CDC16: variants seen among roughly 807,000 people sequenced by gnomAD.
The protein encoded by CDC16 is cell division cycle 16.
A neutral mutation model predicts 87.0 loss-of-function variants in CDC16; 34 were observed. The observed-to-expected ratio is 0.39, with a 90% CI of 0.30 to 0.52. The LOEUF (loss-of-function observed/expected upper bound fraction) is 0.52. CDC16 is among the 20% of genes least tolerant of loss of function. The pLI is 0.74. For synonymous variants in CDC16, 263 were observed against 260.6 expected (o/e 1.01, Z -0.09); for missense variants, 653 against 751.9 (o/e 0.87, Z 1.54).
intron 11 of CDC16, 127 bp from the exon 12 acceptor site, chr13:114,250,422 G>A (rs1425465195): frequency 1.3e-6 from 1 of 751,820 alleles, no homozygotes; most frequent in Non-Finnish European, 2.0e-6. Flanking sequence ...GTATCTGGAG[G>A]CGGAGGCTGC....
At chr13:114,259,147 A>C (rs181419334) in intron 13 of CDC16, among the ~76,000 whole-genome samples, 188 bp from the exon 14 acceptor site, 2 of 151,972 alleles carry the variant, frequency 1.3e-5, no homozygotes, top group African/African-American at 4.8e-5. Flanking sequence ...CAAAATCTTG[A>C]AATCTTGAAC....
intron 11 of CDC16, among the ~76,000 whole-genome samples, chr13:114,249,184 C>T (rs533206399): frequency 4.0e-5 from 6 of 151,572 alleles, no homozygotes; most frequent in African/African-American, 1.2e-4. Flanking sequence ...ATTAGATTCT[C>T]GTAAGGAGTG....
chr13:114,239,145 G>A (rs1418678293), intron 4 of CDC16, 117 bp downstream of exon 4: 2 of 1,475,050 alleles, frequency 1.4e-6, no homozygotes, highest in Non-Finnish European at 1.8e-6. Context: ...AGTATTTCAT[G>A]AGGAAGTGTT....
chr13:114,269,326 G>A (rs1016849334), intron 17 of CDC16, among the ~76,000 whole-genome samples: 1 of 152,160 alleles, frequency 6.6e-6, no homozygotes, highest in Admixed American at 6.5e-5. Context: ...CATCACTTCC[G>A]TCACGTTCTG....
rs2081905719 is a variant in CDC16, at chr13:114,246,978, A to G, written c.945A>G (p.Lys315=). The G allele has an allele frequency of 6.2e-7, 1 of 1,612,696 alleles. No individual in the cohort carries two copies. The highest frequency in any genetic ancestry group is 1.7e-5 in the Admixed American group (1 of 60,006). Residue 315 remains lysine, a synonymous_variant, in exon 11 of 18, where the codon AAA becomes AAG. Coordinates refer to ENST00000356221, the MANE Select transcript of CDC16 (RefSeq NM_001078645.3). ...VGCYYLMVGH[K]NEHARRYLSK... Reference sequence around the variant, plus strand: ...GTTACTATCTCATGGTCGGTCATAAAAATGAACATGCCAGAAGATATCTCA... The same window carrying G: ...GTTACTATCTCATGGTCGGTCATAAGAATGAACATGCCAGAAGATATCTCA...
Position 114,237,901 on chromosome 13 carries a change from T to C in CDC16, c.201+1005T>C, listed in dbSNP as rs575950826. Among the ~76,000 whole-genome samples, 4 of 152,326 alleles carry C rather than the reference T, an allele frequency of 2.6e-5. No homozygotes were observed. The South Asian group carries it at 6.2e-4, about 24-fold the overall frequency. On this transcript the variant is annotated intron_variant, in intron 3 of 17. Transcript: ENST00000356221. ...TCTTTAAAACACGGATGTGGTTATA[T>C]TCCCACAAAGTCATTCAGTGACTTC...
In CDC16 at chr13:114,234,996, C is replaced by T; in HGVS notation, c.-89C>T. On this transcript the variant is annotated 5_prime_UTR_variant, in exon 1 of 18. Transcript: ENST00000356221. ...CTGGGGCGGCGGCGGCGGCTGCAGG[C>T]ACGGGCACGGGCACGGGGCGGGGTG... The T allele has an allele frequency of 9.2e-7, 1 of 1,082,652 alleles. No individual in the cohort carries two copies. Among genetic ancestry groups the T allele is most frequent in the Non-Finnish European group, 1.2e-6 (1 of 849,438 alleles). 67.1% of individuals were successfully genotyped at this position (1,082,652 alleles called of 1,614,324 possible).
At chr13:114,257,763 A>T (rs2082596965) in intron 13 of CDC16, among the ~76,000 whole-genome samples, 1 of 152,064 alleles carries the variant, frequency 6.6e-6, no homozygotes, top group African/African-American at 2.4e-5. Flanking sequence ...TTAAAATGGT[A>T]AATTAGTTTC....
chr13:114,262,804 T>C, intron 15 of CDC16, 75 bp from the exon 16 acceptor site: 1 of 1,467,528 alleles, frequency 6.8e-7, no homozygotes. Context: ...TGGGTGTTGA[T>C]ATGGATGGTT....
At chr13:114,247,881 A>AAAT (rs948056740) in intron 11 of CDC16, among the ~76,000 whole-genome samples, 1 of 152,162 alleles carries the variant, frequency 6.6e-6, no homozygotes, top group Non-Finnish European at 1.5e-5. Context: ...TGTCTCAAAA[A>AAAT]AATAATAATA....
Position 114,236,526 on chromosome 13 carries a change from A to G in CDC16, c.49-119A>G. Reference sequence around the variant, plus strand: ...GTAACAAATTGTTGTCTTGAGATGAAGATTTATTACATAGAATTATATTAA... The same window carrying G: ...GTAACAAATTGTTGTCTTGAGATGAGGATTTATTACATAGAATTATATTAA... On this transcript the variant is annotated intron_variant, in intron 1 of 17. Coordinates refer to ENST00000356221, the MANE Select transcript of CDC16 (RefSeq NM_001078645.3). 4.6e-6 allele frequency: 4 copies of G among 861,560 alleles called. No homozygotes were observed. In the South Asian group the frequency reaches 1.3e-4, roughly 28 times the overall value. The allele number at this position is 861,560 out of a possible 1,614,324, so 53.4% of individuals were successfully genotyped here.
chr13:114,264,932 T>G, intron 16 of CDC16: 2 of 452,410 alleles, frequency 4.4e-6, no homozygotes, highest in Middle Eastern at 4.4e-4. Flanking sequence ...TAAAAAATCT[T>G]TTTTGGGGTA....
chr13:114,250,697 A>G (rs762640878), intron 12 of CDC16, 23 bp downstream of exon 12: 2 of 1,611,716 alleles, frequency 1.2e-6, no homozygotes, highest in African/African-American at 2.7e-5. Flanking sequence ...AAACTCATCA[A>G]ACTCCATGAA....
At chr13:114,252,164 G>T (rs1201583746) in intron 12 of CDC16, among the ~76,000 whole-genome samples, 5 of 143,646 alleles carry the variant, frequency 3.5e-5, no homozygotes, top group Admixed American at 6.9e-5. Context: ...CCCTACACTA[G>T]CCCTGTTGGA....
rs779370100 is a variant in CDC16 at position 114,257,047 on chromosome 13, G to T, written c.1098-31G>T. On this transcript the variant is annotated intron_variant, in intron 12 of 17. Coordinates refer to ENST00000356221, the MANE Select transcript of CDC16 (RefSeq NM_001078645.3). ...TTTCTGCTAAATCACAGTTTTTGGT[G>T]TTGAATATGTGAAATTTTCCAATTT... 2.1e-6 allele frequency: 3 copies of T among 1,463,232 alleles called. 1 individual carries two copies. The highest frequency in any genetic ancestry group is 2.6e-5 in the South Asian group (2 of 78,110). 90.6% of individuals were successfully genotyped at this position (1,463,232 alleles called of 1,614,324 possible). A position where few individuals can be genotyped will look rare whatever the true frequency, so the allele number is the denominator to read the frequency against.
At chr13:114,238,851 A>G in intron 3 of CDC16, 139 bp from the exon 4 acceptor site, 1 of 1,129,258 alleles carries the variant, frequency 8.9e-7, no homozygotes, top group East Asian at 2.6e-5. Context: ...ATGGTTTAAC[A>G]GGACTGGATT....
Position 114,246,716 on chromosome 13 carries a change from C to T in CDC16, c.898-215C>T, listed in dbSNP as rs552063870. On this transcript the variant is annotated intron_variant, in intron 10 of 17. Transcript: ENST00000356221. ...TTTTGAAACAGGGACTCCTCAGGGG[C>T]CTTGTCTTGTGTAGACGTCTCCTTG... Among the ~76,000 whole-genome samples the T allele has an allele frequency of 1.2e-4, 19 of 152,244 alleles. No homozygotes were observed. The East Asian group carries it at 3.5e-3, about 28-fold the overall frequency.
chr13:114,247,327 T>G (rs2138954365), intron 11 of CDC16: 1 of 223,052 alleles, frequency 4.5e-6, no homozygotes, highest in South Asian at 7.1e-5. Flanking sequence ...CCTAGCTGAT[T>G]TAAACATTTT....
At chr13:114,236,576 A>G in intron 1 of CDC16, 69 bp from the exon 2 acceptor site, 1 of 1,295,852 alleles carries the variant, frequency 7.7e-7, no homozygotes, top group South Asian at 1.6e-5. Flanking sequence ...TTATAATAAT[A>G]TTAGATAACT....
Sources: allele counts gnomAD v4.1 joint callset (sites outside exome capture counted in the v4.1 genomes callset), GRCh38; gene constraint gnomAD v4.1.1; transcripts MANE v1.5; gene names NCBI Gene and HGNC (gene_info 2026-07-23, HGNC 2026-07-21).